The following ACBD5 variants were observed in gnomAD, a reference collection of about 807,000 sequenced individuals.
ACBD5 encodes acyl-CoA-binding domain-containing protein 5.
In ACBD5, 40 loss-of-function variants were observed where a neutral mutation model predicts 71.8. That is an observed-to-expected ratio of 0.56 (90% CI 0.43 to 0.72). The LOEUF (loss-of-function observed/expected upper bound fraction) is 0.72, where lower values mean the gene tolerates loss of function less well. Among genes scored for constraint, ACBD5 ranks in the 30% least tolerant of loss-of-function variants. The pLI is 0.00. For missense variants in ACBD5, 559 were observed against 644.5 expected (o/e 0.87, Z 1.44); for synonymous variants, 229 against 218.6 (o/e 1.05, Z -0.42).
chr10:27,191,138 TG>T (rs1474909232), downstream of ACBD5, among the ~76,000 whole-genome samples: 4 of 152,066 alleles, frequency 2.6e-5, no homozygotes, highest in African/African-American at 9.7e-5. Context: ...TAAGAAGAAA[TG>T]AACTACAATG....
chr10:27,235,501 G>A lies in ACBD5; in HGVS notation c.182-289C>T, dbSNP rs540502958. ...GATATAACCAAAATAACCTGCAAATGTCTCTTTAAAAACATACTAAAATAT... is the reference window on the plus strand; with the variant it reads ...GATATAACCAAAATAACCTGCAAATATCTCTTTAAAAACATACTAAAATAT... On this transcript the variant is annotated intron_variant, in intron 2 of 12. Transcript: ENST00000396271. Among the ~76,000 whole-genome samples the A allele has an allele frequency of 3.3e-5, 5 of 152,284 alleles. No individual in the cohort carries two copies. The East Asian group carries it at 9.6e-4, about 29-fold the overall frequency.
intron 13 of ACBD5, among the ~76,000 whole-genome samples, chr10:27,184,331 G>A (rs2058507254): frequency 6.6e-6 from 1 of 152,124 alleles, no homozygotes; most frequent in Admixed American, 6.6e-5. Flanking sequence ...TAAAGTGAGG[G>A]AGCAGACATT....
intron 4 of ACBD5, among the ~76,000 whole-genome samples, chr10:27,230,566 G>C (rs1352244860): frequency 2.0e-5 from 3 of 152,130 alleles, no homozygotes; most frequent in African/African-American, 7.2e-5. Flanking sequence ...GGAGGCCAAG[G>C]CAGGTGGATC....
intron 10 of ACBD5, 52 bp from the exon 11 acceptor site, chr10:27,205,300 A>G (rs2060372265): frequency 6.4e-7 from 1 of 1,551,934 alleles, no homozygotes; most frequent in Non-Finnish European, 8.9e-7. Context: ...AAAACACAGT[A>G]ATTATTCTAT....
At chr10:27,214,940 G>C (rs2061465905) in intron 8 of ACBD5, among the ~76,000 whole-genome samples, 1 of 152,210 alleles carries the variant, frequency 6.6e-6, no homozygotes, top group African/African-American at 2.4e-5. Flanking sequence ...GAGGTGGGCA[G>C]ATCACTTGAG....
intron 3 of ACBD5, 148 bp downstream of exon 3, chr10:27,234,944 A>G: frequency 1.2e-6 from 1 of 815,156 alleles, no homozygotes; most frequent in South Asian, 1.8e-5. Flanking sequence ...AAACAAACAA[A>G]CAAAAAAGAA....
chr10:27,205,168 G>T, intron 11 of ACBD5, 30 bp downstream of exon 11: 1 of 1,595,610 alleles, frequency 6.3e-7, no homozygotes, highest in South Asian at 1.1e-5. Context: ...ATGAAACCCT[G>T]GCATTTAAAT....
intron 3 of ACBD5, among the ~76,000 whole-genome samples, chr10:27,233,727 AGGTGTGGGT>A (rs1420372643): frequency 1.3e-5 from 2 of 151,990 alleles, no homozygotes; most frequent in East Asian, 3.9e-4. Context: ...TCCAAAAAAA[AGGTGTGGGT>A]TTTAAAACAT....
At chr10:27,236,339 G>A (rs571544035) in intron 2 of ACBD5, among the ~76,000 whole-genome samples, 101 of 151,884 alleles carry the variant, frequency 6.6e-4, no homozygotes, top group Non-Finnish European at 1.4e-3. Context: ...AGAAAAATAA[G>A]TTTAAAAACA....
chr10:27,217,849 A>G (rs919522960), intron 7 of ACBD5, 131 bp downstream of exon 7: 23 of 854,500 alleles, frequency 2.7e-5, no homozygotes, highest in African/African-American at 1.7e-4. Flanking sequence ...ATAAATGCTT[A>G]TAATATTAAT....
Position 27,205,222 on chromosome 10 carries a change from C to A in ACBD5, c.1431G>T (p.Gln477His). 6.2e-7 allele frequency: 1 copy of A among 1,613,214 alleles called. No individual in the cohort carries two copies. Among genetic ancestry groups the A allele is most frequent in the South Asian group, 1.1e-5 (1 of 91,052 alleles). The change falls in exon 11 of 13, where the codon CAG becomes CAT. Residue 477 changes from glutamine (Q) to histidine (H), a missense_variant. Coordinates refer to ENST00000396271, the MANE Select transcript of ACBD5 (RefSeq NM_145698.5). ...CCTGTGAGGTGGGCTGAGGAGCAGTCTGCAATGTTGATGTTGATGATTTTG... is the reference window on the plus strand; with the variant it reads ...CCTGTGAGGTGGGCTGAGGAGCAGTATGCAATGTTGATGTTGATGATTTTG... ...LQAKSSTSTL[Q>H]TAPQPTSQRP...
At chr10:27,229,888 G>T (rs976882906) in intron 4 of ACBD5, among the ~76,000 whole-genome samples, 3 of 152,070 alleles carry the variant, frequency 2.0e-5, no homozygotes, top group Non-Finnish European at 4.4e-5. Context: ...TTAATTAAAG[G>T]AGTTACAGGT....
chr10:27,208,157 T>G, intron 10 of ACBD5, 89 bp downstream of exon 10: 1 of 1,334,882 alleles, frequency 7.5e-7, no homozygotes, highest in Non-Finnish European at 1.1e-6. Flanking sequence ...GTAAAATACA[T>G]TAATTTATGT....
Position 27,240,529 on chromosome 10 carries a change from G to T in ACBD5, c.16-45C>A. The T allele has an allele frequency of 1.9e-6, 3 of 1,559,126 alleles. No individual in the cohort carries two copies. The highest frequency in any genetic ancestry group is 2.6e-6 in the Non-Finnish European group (3 of 1,150,330). On this transcript the variant is annotated intron_variant, in intron 1 of 12. Coordinates refer to ENST00000396271, the MANE Select transcript of ACBD5 (RefSeq NM_145698.5). The surrounding 1 kb of genome is among the most constrained non-coding windows in gnomAD (Gnocchi z 4.1). ...CGCGGATCAACATGCCCCAAAAGGA[G>T]GAGGCCCGGGAGCGAAGCGGGTCAG...
intron 8 of ACBD5, among the ~76,000 whole-genome samples, chr10:27,211,947 G>A (rs1417993125): frequency 6.6e-6 from 1 of 151,742 alleles, no homozygotes; most frequent in Non-Finnish European, 1.5e-5. Flanking sequence ...GAAGAGGGAG[G>A]ATGTACAAGT....
intron 8 of ACBD5, among the ~76,000 whole-genome samples, chr10:27,212,780 C>A (rs779493536): frequency 2.6e-5 from 4 of 152,068 alleles, no homozygotes; most frequent in African/African-American, 9.7e-5. Flanking sequence ...AACTTGTGAG[C>A]TCAAGTGATC....
At chr10:27,209,091 C>CT (rs375546561) in intron 9 of ACBD5, among the ~76,000 whole-genome samples, 10 of 148,742 alleles carry the variant, frequency 6.7e-5, no homozygotes, top group East Asian at 2.0e-4. Flanking sequence ...AATTCAAAGA[C>CT]TTTTTTTTTT....
rs570827093 is a variant in ACBD5 at position 27,185,840 on chromosome 10, A to C, written c.1494-3125T>G. On this transcript the variant is annotated intron_variant, in intron 13 of 13. Transcript: ENST00000676511. ...CATGGTGACTCACACCTGTAATCCC[A>C]GCACTTTGGAAGGCCAAGGTGGGCA... Among the ~76,000 whole-genome samples the C allele has an allele frequency of 1.4e-3, 217 of 151,468 alleles. 2 individuals are homozygous for C. The South Asian group carries it at 0.022, about 15-fold the overall frequency.
At chr10:27,235,455 T>C (rs1301283413) in intron 2 of ACBD5, among the ~76,000 whole-genome samples, 1 of 152,228 alleles carries the variant, frequency 6.6e-6, no homozygotes. Flanking sequence ...AATAAAAGAA[T>C]ACATGAATAG....
Sources: gnomAD v4.1 joint callset for allele counts (sites outside exome capture counted in the v4.1 genomes callset) on GRCh38, gnomAD v4.1.1 for gene constraint, Gnocchi (gnomAD v3.1) non-coding constraint, MANE v1.5 for transcripts, NCBI Gene and HGNC (gene_info 2026-07-23, HGNC 2026-07-21) for gene names.